The following SLC25A13 variants were observed in gnomAD, a reference collection of about 807,000 sequenced individuals.
SLC25A13 encodes solute carrier family 25 member 13.
In SLC25A13, 70 loss-of-function variants were observed where a neutral mutation model predicts 85.5. That is an observed-to-expected ratio of 0.82 (90% CI 0.68 to 1.00). The LOEUF is 1.00. SLC25A13 is among the 50% of genes least tolerant of loss of function. SLC25A13 has a pLI of 0.00. For missense variants in SLC25A13, 765 were observed against 819.8 expected (o/e 0.93, Z 0.82); for synonymous variants, 259 against 288.7 (o/e 0.90, Z 1.04).
chr7:96,296,868 A>C, intron 2 of SLC25A13, 30 bp downstream of exon 2: 1 of 1,589,654 alleles, frequency 6.3e-7, no homozygotes, highest in Non-Finnish European at 8.6e-7. Flanking sequence ...CAAATCAAAC[A>C]AGAAACAAAA....
chr7:96,256,170 A>G (rs977245793), intron 3 of SLC25A13, among the ~76,000 whole-genome samples: 1 of 152,180 alleles, frequency 6.6e-6, no homozygotes, highest in East Asian at 1.9e-4. Context: ...GCATCAACTA[A>G]TGGGCAAAAT....
At chr7:96,247,850 T>C (rs1797260752) in intron 3 of SLC25A13, among the ~76,000 whole-genome samples, 1 of 151,894 alleles carries the variant, frequency 6.6e-6, no homozygotes, top group East Asian at 1.9e-4. Context: ...ATAGTTAAAA[T>C]ATTTTAAATG....
intron 11 of SLC25A13, among the ~76,000 whole-genome samples, chr7:96,172,368 A>T (rs1432822816): frequency 6.6e-6 from 1 of 151,718 alleles, no homozygotes; most frequent in Non-Finnish European, 1.5e-5. Context: ...GACCAGCCTG[A>T]CCAACAAGGT....
intron 13 of SLC25A13, among the ~76,000 whole-genome samples, chr7:96,164,593 A>T (rs1458041461): frequency 6.6e-6 from 1 of 152,176 alleles, no homozygotes; most frequent in East Asian, 1.9e-4. Context: ...TGGCAGGTGA[A>T]GGCCTTGGGA....
chr7:96,224,371 G>A (rs894826247), intron 4 of SLC25A13, among the ~76,000 whole-genome samples: 1 of 152,042 alleles, frequency 6.6e-6, no homozygotes, highest in Admixed American at 6.6e-5. Context: ...AATTACTCTT[G>A]CTTAAGGGCC....
intron 13 of SLC25A13, among the ~76,000 whole-genome samples, chr7:96,149,889 G>C (rs1486056210): frequency 6.6e-6 from 1 of 152,164 alleles, no homozygotes; most frequent in Non-Finnish European, 1.5e-5. Context: ...GCAGACAATG[G>C]ACAGGAACAC....
intron 15 of SLC25A13, among the ~76,000 whole-genome samples, chr7:96,127,065 G>A (rs1249530867): frequency 1.3e-5 from 2 of 152,092 alleles, no homozygotes; most frequent in African/African-American, 4.8e-5. Context: ...TTAATCTCAA[G>A]CTAATTAATT....
chr7:96,261,861 C>T (rs1041470536), intron 3 of SLC25A13, among the ~76,000 whole-genome samples: 9 of 152,266 alleles, frequency 5.9e-5, no homozygotes, highest in Non-Finnish European at 1.3e-4. Context: ...TGATGGAAGG[C>T]ATCACATGGG....
At chr7:96,163,024 G>C (rs1190470294) in intron 13 of SLC25A13, among the ~76,000 whole-genome samples, 1 of 152,138 alleles carries the variant, frequency 6.6e-6, no homozygotes, top group South Asian at 2.1e-4. Flanking sequence ...CCTTCACAAG[G>C]TGAAGGGCAA....
At chr7:96,197,116 T>C (rs756627278) in intron 5 of SLC25A13, among the ~76,000 whole-genome samples, 2 of 152,152 alleles carry the variant, frequency 1.3e-5, no homozygotes, top group Non-Finnish European at 2.9e-5. Flanking sequence ...TATCTACCCA[T>C]GCTCCTAATA....
At chr7:96,261,589 A>T (rs991301223) in intron 3 of SLC25A13, among the ~76,000 whole-genome samples, 15 of 152,176 alleles carry the variant, frequency 9.9e-5, no homozygotes, top group African/African-American at 3.6e-4. Flanking sequence ...TACTCTCAAA[A>T]ACCTTCATTA....
rs182461668 is a variant in SLC25A13, at chr7:96,293,916, A to C, written c.69+2982T>G. Among the ~76,000 whole-genome samples, 1,426 of 152,072 alleles carry C rather than the reference A, an allele frequency of 9.4e-3. 17 individuals are homozygous for C. The highest frequency in any genetic ancestry group is 0.032 in the African/African-American group (1,319 of 41,414). On this transcript the variant is annotated intron_variant, in intron 2 of 17. Coordinates refer to ENST00000265631, the MANE Select transcript of SLC25A13 (RefSeq NM_014251.3). ...AACTAGAAATACCATTTGACCCAGC[A>C]ATCCCATTACTGGGTATATACCCAA...
intron 1 of SLC25A13, among the ~76,000 whole-genome samples, chr7:96,303,357 G>A (rs965013151): frequency 3.9e-5 from 6 of 152,036 alleles, no homozygotes. Context: ...GTGTGTGTGG[G>A]TGGGTGGGTG....
At chr7:96,181,595 T>C (rs757463785) in intron 11 of SLC25A13, among the ~76,000 whole-genome samples, 7 of 152,246 alleles carry the variant, frequency 4.6e-5, no homozygotes, top group Middle Eastern at 3.2e-3. Flanking sequence ...CCAACTTTTT[T>C]CAAAGTATAC....
chr7:96,292,258 T>C (rs1017061213), intron 2 of SLC25A13, among the ~76,000 whole-genome samples: 16 of 151,996 alleles, frequency 1.1e-4, no homozygotes, highest in African/African-American at 3.4e-4. Flanking sequence ...CTCAATAAAT[T>C]AGGTAAAGAT....
chr7:96,303,074 C>T (rs907814619), intron 1 of SLC25A13, among the ~76,000 whole-genome samples: 2 of 152,164 alleles, frequency 1.3e-5, no homozygotes, highest in African/African-American at 4.8e-5. Context: ...GAATGGATAT[C>T]TTTAGAGCTC....
intron 11 of SLC25A13, among the ~76,000 whole-genome samples, chr7:96,174,728 G>A (rs1031230160): frequency 2.6e-5 from 4 of 152,108 alleles, no homozygotes; most frequent in Non-Finnish European, 5.9e-5. Flanking sequence ...AAAAAAACAG[G>A]CCACAGAGCC....
rs542401264 is a variant in SLC25A13, at chr7:96,271,679, C to A, written c.212+5517G>T. ...GTCGGCCTTTCAAATCTGTCACAAG[C>A]TTTTGAGAAAATACACACATTATGT... On this transcript the variant is annotated intron_variant, in intron 3 of 17. Transcript: ENST00000265631. Among the ~76,000 whole-genome samples, 28 of 151,994 alleles carry A rather than the reference C, an allele frequency of 1.8e-4. No individual in the cohort carries two copies. The South Asian group carries it at 5.8e-3, about 32-fold the overall frequency.
chr7:96,167,728 C>T (rs1251810018), intron 13 of SLC25A13, among the ~76,000 whole-genome samples: 7 of 152,164 alleles, frequency 4.6e-5, no homozygotes, highest in Admixed American at 4.6e-4. Context: ...CTCACAACAA[C>T]CCTCTAAGGT....
Sources: gnomAD v4.1 joint callset for allele counts (sites outside exome capture counted in the v4.1 genomes callset) on GRCh38, gnomAD v4.1.1 for gene constraint, MANE v1.5 for transcripts, NCBI Gene and HGNC (gene_info 2026-07-23, HGNC 2026-07-21) for gene names.